The following SCTR variants were observed in gnomAD, a reference collection of about 807,000 sequenced individuals.
The protein encoded by SCTR is pancreatic secretin receptor.
In SCTR, 56 loss-of-function variants were observed where a neutral mutation model predicts 60.8. The ratio of observed to expected loss-of-function variants is 0.92; its 90% confidence interval spans 0.74 to 1.15. The LOEUF is 1.15. Ranked by LOEUF, SCTR falls within the 50% of genes most tolerant of loss-of-function variation. SCTR has a pLI of 0.00. For missense variants in SCTR, 562 were observed against 550.4 expected (o/e 1.02, Z -0.21); for synonymous variants, 202 against 217.0 (o/e 0.93, Z 0.61).
chr2:119,519,818 AAAAAAAAAAG>A (rs1654499153), intron 1 of SCTR, among the ~76,000 whole-genome samples: 3 of 124,188 alleles, frequency 2.4e-5, no homozygotes, highest in Non-Finnish European at 3.5e-5. Context: ...CTCAAAAAAA[AAAAAAAAAAG>A]AAAAAAAGAA....
At chr2:119,461,614 G>C (rs563385799) in intron 7 of SCTR, among the ~76,000 whole-genome samples, 1 of 151,684 alleles carries the variant, frequency 6.6e-6, no homozygotes, top group Non-Finnish European at 1.5e-5. Flanking sequence ...GGGAAGCTGA[G>C]GTAGGAGAAT....
intron 2 of SCTR, among the ~76,000 whole-genome samples, chr2:119,490,684 C>T (rs761327785): frequency 6.6e-6 from 1 of 152,186 alleles, no homozygotes; most frequent in Non-Finnish European, 1.5e-5. Context: ...GTCAGTGTCC[C>T]CACCCACACA....
Position 119,472,336 on chromosome 2 carries a change from A to G in SCTR, c.405+1117T>C, listed in dbSNP as rs76233971. Among the ~76,000 whole-genome samples, 108 of 152,336 alleles carry G rather than the reference A, an allele frequency of 7.1e-4. 2 individuals are homozygous for G. In the East Asian group the frequency reaches 0.018, roughly 25 times the overall value. On this transcript the variant is annotated intron_variant, in intron 4 of 12. Coordinates refer to ENST00000019103, the MANE Select transcript of SCTR (RefSeq NM_002980.3). ...AAGGATATATAAGAATCAGTCAAGA[A>G]AAGAGAGGAGGAAAGTGCTCTCCAG... is the stretch of plus-strand genomic sequence containing the variant.
rs1558830635 is a variant in SCTR at position 119,444,164 on chromosome 2, CACATATGTATATATACATATGAATATAT to C, written c.1140+2567_1141-2566del. On this transcript the variant is annotated intron_variant, in intron 11 of 12. Transcript: ENST00000019103. ...ATATACATATTCTTATATATATATA[CACATATGTATATATACATATGAATATAT>C]ACACATATGTATATATACATATGAA... is the stretch of plus-strand genomic sequence containing the variant. Among the ~76,000 whole-genome samples, 212 of 140,142 alleles carry C rather than the reference CACATATGTATATATACATATGAATATAT, an allele frequency of 1.5e-3. 10 individuals are homozygous for C. The highest frequency in any genetic ancestry group is 5.8e-3 in the African/African-American group (204 of 35,214). 91.9% of individuals were successfully genotyped at this position (140,142 alleles called of 152,430 possible).
intron 2 of SCTR, chr2:119,479,797 A>G (rs1007272087): frequency 2.6e-5 from 4 of 152,234 alleles, no homozygotes; most frequent in Non-Finnish European, 5.9e-5. Flanking sequence ...ATACATAGAC[A>G]CTACATTTGA....
At position 119,499,094 on chromosome 2, in the gene SCTR, C is replaced by T. The variant is rs759097811; in HGVS notation, c.73-4546G>A. Among the ~76,000 whole-genome samples, 123 of 151,812 alleles carry T rather than the reference C, an allele frequency of 8.1e-4. 2 individuals carry two copies. The highest frequency in any genetic ancestry group is 3.3e-4 in the Admixed American group (5 of 15,264). ...GACTATATTAATGTAAGATAAAGTA[C>T]AGTGTAGAGCAAAAACAATAACCAG... is the stretch of plus-strand genomic sequence containing the variant. On this transcript the variant is annotated intron_variant, in intron 1 of 12. Transcript: ENST00000019103.
At chr2:119,506,573 C>T (rs1678746746) in intron 1 of SCTR, among the ~76,000 whole-genome samples, 1 of 151,992 alleles carries the variant, frequency 6.6e-6, no homozygotes, top group African/African-American at 2.4e-5. Flanking sequence ...CCTTGAATCC[C>T]CAGGCTCAAG....
intron 10 of SCTR, among the ~76,000 whole-genome samples, chr2:119,447,373 G>A (rs1466388026): frequency 6.6e-6 from 1 of 152,132 alleles, no homozygotes; most frequent in Non-Finnish European, 1.5e-5. Flanking sequence ...GACACCATGT[G>A]GGGGTATAAA....
At chr2:119,485,385 G>A (rs943855644) in intron 2 of SCTR, among the ~76,000 whole-genome samples, 2 of 152,226 alleles carry the variant, frequency 1.3e-5, no homozygotes, top group Admixed American at 1.3e-4. Context: ...TGGCCCCAGA[G>A]GCAGGTCTGG....
intron 1 of SCTR, among the ~76,000 whole-genome samples, chr2:119,502,559 G>A (rs1441789871): frequency 5.3e-5 from 8 of 152,100 alleles, no homozygotes; most frequent in African/African-American, 1.9e-4. Flanking sequence ...ATACCTAAAA[G>A]AGGTGTTTTT....
At chr2:119,446,658 C>G in intron 11 of SCTR, 101 bp downstream of exon 11, 1 of 1,178,650 alleles carries the variant, frequency 8.5e-7, no homozygotes. Context: ...GGGTCTCTGC[C>G]AGATAAGGCA....
intron 9 of SCTR, among the ~76,000 whole-genome samples, chr2:119,449,936 CA>C (rs939174692): frequency 4.0e-5 from 3 of 75,774 alleles, no homozygotes; most frequent in African/African-American, 5.3e-5. Flanking sequence ...CACTTGAAGA[CA>C]AAAAAAAGAA....
At chr2:119,502,743 G>C (rs920586274) in intron 1 of SCTR, among the ~76,000 whole-genome samples, 5 of 151,568 alleles carry the variant, frequency 3.3e-5, no homozygotes, top group Non-Finnish European at 7.4e-5. Flanking sequence ...TGTAATCCCA[G>C]TGCTTAGAGA....
At chr2:119,452,603 T>C (rs115248758) in intron 8 of SCTR, among the ~76,000 whole-genome samples, 3,124 of 152,242 alleles carry the variant, frequency 0.021, 98 homozygotes, top group African/African-American at 0.072. Context: ...AAAATCCAGA[T>C]TTTTTGAAAA....
Position 119,461,854 on chromosome 2 carries a change from G to A in SCTR, c.783C>T (p.Phe261=), listed in dbSNP as rs766336754. The A allele has an allele frequency of 3.2e-5, 52 of 1,612,466 alleles. No homozygotes were observed. The highest frequency in any genetic ancestry group is 1.7e-4 in the Middle Eastern group (1 of 6,054). ...ERKYLQGFVA[F]GWGSPAIFVA... ...ACCCAGGGAGAAACATACCCCATCC[G>A]AATGCCACAAATCCCTGGAGGTACT... The change falls in exon 7 of 13, where the codon TTC becomes TTT. Residue 261 remains phenylalanine, a synonymous_variant. Coordinates refer to ENST00000019103, the MANE Select transcript of SCTR (RefSeq NM_002980.3).
At chr2:119,499,502 A>G (rs1372868621) in intron 1 of SCTR, among the ~76,000 whole-genome samples, 2 of 152,122 alleles carry the variant, frequency 1.3e-5, no homozygotes, top group East Asian at 3.8e-4. Context: ...AAAGAACTGA[A>G]ATCATATACA....
intron 11 of SCTR, 100 bp from the exon 12 acceptor site, chr2:119,441,699 C>G (rs529895504): frequency 2.6e-5 from 26 of 1,003,648 alleles, no homozygotes; most frequent in Non-Finnish European, 3.6e-5. Flanking sequence ...TAATCACCAG[C>G]TACAGGCTCA....
intron 9 of SCTR, among the ~76,000 whole-genome samples, chr2:119,449,291 C>G (rs1683054582): frequency 6.6e-6 from 1 of 152,222 alleles, no homozygotes; most frequent in Non-Finnish European, 1.5e-5. Flanking sequence ...GATGCTGAAG[C>G]TGCTGGTGTG....
intron 4 of SCTR, among the ~76,000 whole-genome samples, chr2:119,469,235 A>G (rs989004097): frequency 2.6e-5 from 4 of 152,128 alleles, no homozygotes; most frequent in Non-Finnish European, 5.9e-5. Context: ...GATGAGCCGC[A>G]TTGCAGAGGG....
Sources: allele counts gnomAD v4.1 joint callset (sites outside exome capture counted in the v4.1 genomes callset), GRCh38; gene constraint gnomAD v4.1.1; transcripts MANE v1.5; gene names NCBI Gene and HGNC (gene_info 2026-07-23, HGNC 2026-07-21).